AGL: variants seen among roughly 807,000 people sequenced by gnomAD.
AGL encodes amylo-alpha-1,6-glucosidase and 4-alpha-glucanotransferase.
A neutral mutation model predicts 199.3 loss-of-function variants in AGL; 128 were observed. The ratio of observed to expected loss-of-function variants is 0.64; its 90% confidence interval spans 0.56 to 0.74. AGL has a LOEUF of 0.74. Ranked by LOEUF, AGL falls within the 30% of genes least tolerant of loss-of-function variation. The pLI is 0.00. For missense variants in AGL, 1,809 were observed against 1,820.8 expected (o/e 0.99, Z 0.12); for synonymous variants, 584 against 594.7 (o/e 0.98, Z 0.26).
chr1:99,880,754 C>G lies in AGL; in HGVS notation c.1858C>G (p.Leu620Val), dbSNP rs200933503. 1.2e-5 allele frequency: 20 copies of G among 1,614,004 alleles called. No homozygotes were observed. The highest frequency in any genetic ancestry group is 1.7e-5 in the Non-Finnish European group (20 of 1,179,948). Residue 620 changes from leucine (L) to valine (V), a missense_variant, in exon 14 of 34, where the codon CTG (leucine) becomes GTG (valine). Physicochemically the swap from Leu to Val is conservative, Grantham distance 32. Coordinates refer to ENST00000361915, the MANE Select transcript of AGL (RefSeq NM_000642.3). ...TTTAATGCCAGCTATTGCACATGCC[C>G]TGTTTATGGATATTACGCATGATAA... ...RPLMPAIAHA[L>V]FMDITHDNEC...
At position 99,892,456 on chromosome 1, in the gene AGL, T is replaced by A. The variant is rs1345406973; in HGVS notation, c.3108T>A (p.Phe1036Leu). 1.2e-6 allele frequency: 2 copies of A among 1,613,510 alleles called. No homozygotes were observed. Among genetic ancestry groups the A allele is most frequent in the Non-Finnish European group, 1.7e-6 (2 of 1,179,688 alleles). ...MSSFVQNGST[F>L]VKHLSLGSVQ... Reference sequence around the variant, plus strand: ...GCTTTGTTCAGAATGGTTCAACCTTTGTGAAACACCTTTCATTGGGTTCAG... The same window carrying A: ...GCTTTGTTCAGAATGGTTCAACCTTAGTGAAACACCTTTCATTGGGTTCAG... Residue 1036 changes from phenylalanine (F) to leucine (L), a missense_variant, in exon 24 of 34, where the codon TTT becomes TTA. Transcript: ENST00000361915.
rs757686468 is a variant in AGL, at chr1:99,870,586, G to A, written c.846+5G>A. On this transcript the variant is annotated splice_donor_5th_base_variant and intron_variant, in intron 6 of 33. Transcript: ENST00000361915. Reference sequence around the variant, plus strand: ...GAAAATGATCACCATATGAATGTCAGTATGTACAGAGGAGTATCACACTAA... The same window carrying A: ...GAAAATGATCACCATATGAATGTCAATATGTACAGAGGAGTATCACACTAA... The A allele has an allele frequency of 6.2e-7, 1 of 1,613,852 alleles. No homozygotes were observed. Among genetic ancestry groups the A allele is most frequent in the Non-Finnish European group, 8.5e-7 (1 of 1,179,868 alleles).
At chr1:99,898,140 G>A (rs1273556460) in intron 25 of AGL, among the ~76,000 whole-genome samples, 5 of 151,080 alleles carry the variant, frequency 3.3e-5, no homozygotes, top group African/African-American at 9.7e-5. Flanking sequence ...TCCGCCTCCC[G>A]GGTTCATGCC....
At position 99,902,666 on chromosome 1, in the gene AGL, C is replaced by T. The variant is rs770871112; in HGVS notation, c.3589-17C>T. On this transcript the variant is annotated splice_polypyrimidine_tract_variant and intron_variant, in intron 26 of 33. Coordinates refer to ENST00000361915, the MANE Select transcript of AGL (RefSeq NM_000642.3). ...TGTAATTTCTAACAGAGGTAACACC[C>T]ATTATGTCTCAAACAGGATCAGCCA... is the stretch of plus-strand genomic sequence containing the variant. The T allele has an allele frequency of 3.4e-5, 53 of 1,572,152 alleles. No homozygotes were observed. Among genetic ancestry groups the T allele is most frequent in the Non-Finnish European group, 4.0e-5 (46 of 1,142,212 alleles).
intron 17 of AGL, among the ~76,000 whole-genome samples, chr1:99,883,571 G>T (rs545883182): frequency 1.3e-5 from 2 of 152,036 alleles, no homozygotes; most frequent in South Asian, 2.1e-4. Flanking sequence ...AAAGCAAGTT[G>T]CAAATATATA....
At position 99,870,506 on chromosome 1, in the gene AGL, C is replaced by G. The variant is rs781089278; in HGVS notation, c.771C>G (p.Phe257Leu). ...TCTTAGACAGAGCACTTTGGCGTTT[C>G]TCCTGTGATGTTGCAGAAGGGAAAT... The part of the protein sequence containing the change: ...AWVLDRALWR[F>L]SCDVAEGKYK... Residue 257 changes from phenylalanine (F) to leucine (L), a missense_variant, in exon 6 of 34, where the codon TTC (phenylalanine) becomes TTG (leucine). Coordinates refer to ENST00000361915, the MANE Select transcript of AGL (RefSeq NM_000642.3). 4.3e-6 allele frequency: 7 copies of G among 1,614,044 alleles called. No individual in the cohort carries two copies. Among genetic ancestry groups the G allele is most frequent in the Non-Finnish European group, 5.9e-6 (7 of 1,179,964 alleles).
intron 20 of AGL, among the ~76,000 whole-genome samples, chr1:99,886,195 G>C (rs944287849): frequency 6.6e-6 from 1 of 152,174 alleles, no homozygotes; most frequent in East Asian, 1.9e-4. Context: ...GTAAGACCTG[G>C]CTGAGTGCAG....
At chr1:99,913,396 C>T in intron 29 of AGL, 131 bp from the exon 30 acceptor site, 1 of 785,214 alleles carries the variant, frequency 1.3e-6, no homozygotes, top group Non-Finnish European at 2.1e-6. Flanking sequence ...AGACTGGCCA[C>T]ATTTTCCAAA....
At chr1:99,873,345 G>A (rs769215463) in intron 7 of AGL, among the ~76,000 whole-genome samples, 3 of 151,370 alleles carry the variant, frequency 2.0e-5, no homozygotes, top group Admixed American at 6.6e-5. Flanking sequence ...CCACTGATCC[G>A]TCTCTTTTAT....
At chr1:99,894,086 G>C (rs750819803) in intron 24 of AGL, among the ~76,000 whole-genome samples, 6 of 152,044 alleles carry the variant, frequency 3.9e-5, no homozygotes, top group Non-Finnish European at 8.8e-5. Flanking sequence ...TACTCAGGAG[G>C]CTGGGGCAGG....
At chr1:99,919,568 TATA>T (rs1655373886) in intron 33 of AGL, among the ~76,000 whole-genome samples, 2 of 152,292 alleles carry the variant, frequency 1.3e-5, no homozygotes, top group South Asian at 4.1e-4. Flanking sequence ...CTAGGGAATA[TATA>T]ATAATACATA....
chr1:99,902,766 CCAGATAGATCGAAACATGAAGGA>C lies in AGL; in HGVS notation c.3674_3696del (p.Gln1225ArgfsTer4), dbSNP rs1553190751. On this transcript the variant is annotated frameshift_variant, in exon 27 of 34. Coordinates refer to ENST00000361915, the MANE Select transcript of AGL (RefSeq NM_000642.3). LOFTEE classifies it high-confidence loss of function. ...AGTTCCGAGAAAGGAATGCTGGTCC[CCAGATAGATCGAAACATGAAGGA>C]CGAAGGTACAGAACTTTAACTAAAA... is the stretch of plus-strand genomic sequence containing the variant. The C allele has an allele frequency of 1.2e-6, 2 of 1,613,134 alleles. No homozygotes were observed. Among genetic ancestry groups the C allele is most frequent in the Non-Finnish European group, 1.7e-6 (2 of 1,179,376 alleles).
intron 2 of AGL, chr1:99,852,606 A>C (rs1649063678): frequency 1.4e-6 from 1 of 720,018 alleles, no homozygotes; most frequent in Non-Finnish European, 2.5e-6. Flanking sequence ...GAACTCCTGG[A>C]CTCAAGCAAC....
intron 31 of AGL, 33 bp downstream of exon 31, chr1:99,915,519 C>T (rs770913549): frequency 1.3e-6 from 2 of 1,491,074 alleles, no homozygotes; most frequent in Non-Finnish European, 1.9e-6. Context: ...AGAATGTTAT[C>T]ATATTTAATC....
intron 10 of AGL, among the ~76,000 whole-genome samples, chr1:99,876,190 T>A (rs1651519181): frequency 6.6e-6 from 1 of 152,252 alleles, no homozygotes; most frequent in African/African-American, 2.4e-5. Flanking sequence ...AATGATTTTT[T>A]AAAATAATTT....
In AGL at chr1:99,910,916, T is replaced by C. The variant is rs1654711068; in HGVS notation, c.3836+69T>C. 4 of 1,507,458 alleles carry C rather than the reference T, an allele frequency of 2.7e-6. No homozygotes were observed. In the South Asian group the frequency reaches 3.5e-5, roughly 13 times the overall value. 93.4% of individuals were successfully genotyped at this position (1,507,458 alleles called of 1,614,324 possible). A position where few individuals can be genotyped will look rare whatever the true frequency, so the allele number is the denominator to read the frequency against. The stretch of plus-strand genomic sequence containing the variant: ...AGAAAGCACTTACTTGTGGAATCTT[T>C]TATTCTGTTAACTATGAACTCTTTA... On this transcript the variant is annotated intron_variant, in intron 28 of 33. Coordinates refer to ENST00000361915, the MANE Select transcript of AGL (RefSeq NM_000642.3).
At chr1:99,916,321 C>A (rs929571896) in intron 31 of AGL, 89 bp from the exon 32 acceptor site, 21 of 1,017,106 alleles carry the variant, frequency 2.1e-5, no homozygotes, top group African/African-American at 3.2e-5. Flanking sequence ...TTGATTATTT[C>A]TCTTACCTTT....
intron 21 of AGL, 77 bp downstream of exon 21, chr1:99,888,185 A>G (rs1343548582): frequency 1.0e-5 from 16 of 1,579,088 alleles, no homozygotes; most frequent in East Asian, 2.3e-5. Context: ...AGACATAGAT[A>G]TAGGCTCAGA....
intron 24 of AGL, among the ~76,000 whole-genome samples, chr1:99,893,386 T>C (rs1230758973): frequency 1.3e-5 from 2 of 152,182 alleles, no homozygotes; most frequent in African/African-American, 2.4e-5. Flanking sequence ...CATGAAACAT[T>C]CATAAAACGT....
Sources: allele counts gnomAD v4.1 joint callset (sites outside exome capture counted in the v4.1 genomes callset), GRCh38; gene constraint gnomAD v4.1.1; transcripts MANE v1.5; gene names NCBI Gene and HGNC (gene_info 2026-07-23, HGNC 2026-07-21).